Variants in TFPI observed in about 807,000 individuals in gnomAD.
The protein encoded by TFPI is tissue factor pathway inhibitor, also known as anti-convertin.
TFPI carries 15 observed loss-of-function variants against 34.6 expected under a neutral mutation model. That is an observed-to-expected ratio of 0.43 (90% CI 0.29 to 0.67). The LOEUF is 0.67. Among genes scored for constraint, TFPI ranks in the 30% least tolerant of loss-of-function variants. The pLI, the probability that TFPI is intolerant of heterozygous loss-of-function variation, is 0.15. For missense variants in TFPI, 301 were observed against 364.0 expected, an observed-to-expected ratio of 0.83 and a Z score of 1.41; for synonymous variants, 105 against 120.1, an observed-to-expected ratio of 0.87 and a Z score of 0.82.
intron 1 of TFPI, among the ~76,000 whole-genome samples, chr2:187,511,730 A>G (rs1220353877): frequency 6.6e-6 from 1 of 152,084 alleles, no homozygotes; most frequent in East Asian, 1.9e-4. Context: ...CTGTACATAG[A>G]CACTTGGTTA....
chr2:187,489,810 A>C (rs1684989454), intron 3 of TFPI, among the ~76,000 whole-genome samples: 2 of 151,682 alleles, frequency 1.3e-5, no homozygotes, highest in East Asian at 3.9e-4. Context: ...TATTACCAAT[A>C]ATTGTCTTTG....
intron 1 of TFPI, chr2:187,519,596 T>C (rs765167460): frequency 6.6e-6 from 1 of 151,322 alleles, no homozygotes; most frequent in Admixed American, 6.6e-5. Flanking sequence ...CTGCTGGGAG[T>C]TGTCTCCCAG....
chr2:187,476,236 T>A (rs1259068775), intron 6 of TFPI, among the ~76,000 whole-genome samples: 1 of 151,998 alleles, frequency 6.6e-6, no homozygotes, highest in Non-Finnish European at 1.5e-5. Context: ...GTATTAGATA[T>A]AATCAAAACT....
At chr2:187,478,067 A>T (rs2105981025) in intron 6 of TFPI, among the ~76,000 whole-genome samples, 1 of 152,290 alleles carries the variant, frequency 6.6e-6, no homozygotes. Context: ...CATAAAGCTG[A>T]TGTAGTTCCA....
chr2:187,553,901 A>C (rs753609997), intron 1 of TFPI, among the ~76,000 whole-genome samples: 7 of 152,244 alleles, frequency 4.6e-5, no homozygotes, highest in Non-Finnish European at 1.0e-4. Flanking sequence ...ATTCTACTAC[A>C]ATCTTCAAAT....
intron 1 of TFPI, among the ~76,000 whole-genome samples, chr2:187,536,000 C>G (rs1688229637): frequency 2.0e-5 from 3 of 152,108 alleles, no homozygotes; most frequent in African/African-American, 7.2e-5. Context: ...GGATAAATTC[C>G]TGGACACATA....
intron 6 of TFPI, 144 bp from the exon 7 acceptor site, chr2:187,468,076 C>T (rs1242393454): frequency 1.6e-6 from 1 of 624,112 alleles, no homozygotes. Flanking sequence ...AAAATTCGTG[C>T]ATTTCAATTC....
At position 187,483,160 on chromosome 2, in the gene TFPI, C is replaced by T. The variant is rs527816121; in HGVS notation, c.628+964G>A. ...CTGTTGGCTTGCTTGCTTAGTTGTT[C>T]GTTTGTTTGTTTGTTGTAAAGAGGA... On this transcript the variant is annotated intron_variant, in intron 6 of 7. Transcript: ENST00000233156. Among the ~76,000 whole-genome samples the T allele has an allele frequency of 3.3e-5, 5 of 151,856 alleles. No homozygotes were observed. In the East Asian group the frequency reaches 7.7e-4, roughly 23 times the overall value.
chr2:187,468,145 T>TA (rs1174310719), intron 6 of TFPI, among the ~76,000 whole-genome samples: 1 of 151,954 alleles, frequency 6.6e-6, no homozygotes, highest in Non-Finnish European at 1.5e-5. Flanking sequence ...TCCAATGAAT[T>TA]AAAAAATCTC....
intron 6 of TFPI, among the ~76,000 whole-genome samples, chr2:187,469,485 AT>A (rs1232749335): frequency 6.6e-6 from 1 of 152,030 alleles, no homozygotes; most frequent in African/African-American, 2.4e-5. Flanking sequence ...AATAATTTTT[AT>A]TGTGTATATG....
chr2:187,532,728 C>T (rs182012767), intron 1 of TFPI, among the ~76,000 whole-genome samples: 4 of 152,118 alleles, frequency 2.6e-5, no homozygotes, highest in Admixed American at 6.5e-5. Flanking sequence ...GCCAGTGAGA[C>T]AGAACCATCA....
In TFPI at chr2:187,464,854, T is replaced by G. The variant is rs1181192260; in HGVS notation, c.*2082A>C. ...TTTGTATACCATAGTAGAAAATGAT[T>G]TGCAATTATGTGTTAGGACTTTTCA... On this transcript the variant is annotated 3_prime_UTR_variant, in exon 8 of 8. Coordinates refer to ENST00000233156, the MANE Select transcript of TFPI (RefSeq NM_006287.6). The G allele has an allele frequency of 6.6e-6, 1 of 152,182 alleles. No individual in the cohort carries two copies. Among genetic ancestry groups the G allele is most frequent in the Non-Finnish European group, 1.5e-5 (1 of 68,028 alleles). The allele number at this position is 152,182 out of a possible 1,614,324, so 9.4% of individuals were successfully genotyped here.
At chr2:187,540,765 C>T (rs1470902552) in intron 1 of TFPI, among the ~76,000 whole-genome samples, 1 of 151,534 alleles carries the variant, frequency 6.6e-6, no homozygotes, top group East Asian at 1.9e-4. Context: ...GTGATGTGCA[C>T]CTGTAGTCTC....
At chr2:187,471,414 A>G (rs532292051) in intron 6 of TFPI, among the ~76,000 whole-genome samples, 1 of 152,148 alleles carries the variant, frequency 6.6e-6, no homozygotes, top group Non-Finnish European at 1.5e-5. Flanking sequence ...TCTATTCAAA[A>G]TCCAGAATTT....
Position 187,484,125 on chromosome 2 carries a change from A to G in TFPI, c.627T>C (p.Phe209=). The G allele has an allele frequency of 6.2e-7, 1 of 1,611,682 alleles. No individual in the cohort carries two copies. Among genetic ancestry groups the G allele is most frequent in the South Asian group, 1.1e-5 (1 of 90,962 alleles). ...CAATAAAATCCACAAGATTCTTACC[A>G]AAAAGGCTGGGAACCTTGGTTGATT... ...TPQSTKVPSL[F]EFHGPSWCLT... is the part of the protein sequence containing the mutation. The change falls in exon 6 of 8, where the codon TTT becomes TTC. Residue 209 remains phenylalanine, a splice_region_variant and synonymous_variant. Coordinates refer to ENST00000233156, the MANE Select transcript of TFPI (RefSeq NM_006287.6).
At chr2:187,511,404 G>A (rs760165858) in intron 1 of TFPI, among the ~76,000 whole-genome samples, 9 of 152,154 alleles carry the variant, frequency 5.9e-5, no homozygotes, top group Non-Finnish European at 1.2e-4. Flanking sequence ...CTGGTTTGGT[G>A]TAAACTGTGA....
chr2:187,468,025 T>G (rs1346851383), intron 6 of TFPI, 93 bp from the exon 7 acceptor site: 1 of 1,087,776 alleles, frequency 9.2e-7, no homozygotes, highest in Admixed American at 3.3e-5. Flanking sequence ...TGTTGTTGCA[T>G]GTGTATGTAA....
chr2:187,523,436 T>C (rs1687513149), intron 1 of TFPI, among the ~76,000 whole-genome samples: 1 of 152,112 alleles, frequency 6.6e-6, no homozygotes, highest in Admixed American at 6.5e-5. Flanking sequence ...TTTAGACTTA[T>C]AGGCTCCACT....
At chr2:187,510,270 TACA>T (rs907629383) in intron 1 of TFPI, among the ~76,000 whole-genome samples, 2 of 152,234 alleles carry the variant, frequency 1.3e-5, no homozygotes, top group Non-Finnish European at 2.9e-5. Context: ...TTACGCACTC[TACA>T]ACTATTCTTC....
Sources: gnomAD v4.1 joint callset for allele counts (sites outside exome capture counted in the v4.1 genomes callset) on GRCh38, gnomAD v4.1.1 for gene constraint, MANE v1.5 for transcripts, NCBI Gene and HGNC (gene_info 2026-07-23, HGNC 2026-07-21) for gene names.